NFIL3: variants seen among roughly 807,000 people sequenced by gnomAD.
The protein encoded by NFIL3 is nuclear factor, interleukin 3 regulated, also known as nuclear factor interleukin-3-regulated protein.
NFIL3 carries 5 observed loss-of-function variants against 10.0 expected under a neutral mutation model. The observed-to-expected ratio is 0.50, with a 90% CI of 0.26 to 1.06. The LOEUF (loss-of-function observed/expected upper bound fraction) is 1.06, where lower values mean the gene tolerates loss of function less well. Among genes scored for constraint, NFIL3 ranks in the 50% least tolerant of loss-of-function variants. NFIL3 has a pLI of 0.13. For synonymous variants in NFIL3, 202 were observed against 206.5 expected, an observed-to-expected ratio of 0.98 and a Z score of 0.19; for missense variants, 436 against 547.6, an observed-to-expected ratio of 0.80 and a Z score of 2.03.
At chr9:91,437,460 A>C in the NFIL3 span, among the ~76,000 whole-genome samples, 1 of 152,250 alleles carries the variant, frequency 6.6e-6, no homozygotes, top group South Asian at 2.1e-4. Flanking sequence ...ATAAAGAAGC[A>C]GATTAACATA....
chr9:91,450,420 G>C, the NFIL3 span, among the ~76,000 whole-genome samples: 1 of 152,074 alleles, frequency 6.6e-6, no homozygotes, highest in Admixed American at 6.5e-5. Flanking sequence ...ATTTTCATTA[G>C]TCTCCAATCA....
chr9:91,483,139 A>G, the NFIL3 span, among the ~76,000 whole-genome samples: 3 of 152,030 alleles, frequency 2.0e-5, no homozygotes, highest in Admixed American at 6.5e-5. Flanking sequence ...AAGGCCATAT[A>G]AGTCACCTTC....
chr9:91,436,616 CAACAAA>C, the NFIL3 span, among the ~76,000 whole-genome samples: 960 of 143,186 alleles, frequency 6.7e-3, 8 homozygotes, highest in African/African-American at 0.023. Context: ...ACAACAACAA[CAACAAA>C]GAGTTGAAGG....
chr9:91,479,435 G>A, the NFIL3 span, among the ~76,000 whole-genome samples: 1 of 152,218 alleles, frequency 6.6e-6, no homozygotes, highest in Non-Finnish European at 1.5e-5. Context: ...TGGTGACTTT[G>A]TTTACACTGT....
At chr9:91,443,233 T>C in the NFIL3 span, among the ~76,000 whole-genome samples, 3 of 152,180 alleles carry the variant, frequency 2.0e-5, no homozygotes, top group African/African-American at 2.4e-5. Flanking sequence ...GACTGGTCCA[T>C]GGGCAGCCAC....
chr9:91,477,752 T>G, the NFIL3 span, among the ~76,000 whole-genome samples: 1 of 152,180 alleles, frequency 6.6e-6, no homozygotes, highest in Non-Finnish European at 1.5e-5. Flanking sequence ...TGCTTATGAA[T>G]GAACACAACA....
At position 91,410,294 on chromosome 9, in the gene NFIL3, C is replaced by T. The variant is rs746683588; in HGVS notation, c.441G>A (p.Val147=). Residue 147 remains valine (V), a synonymous_variant, in exon 2 of 2, where the codon GTG becomes GTA. Transcript: ENST00000297689. This position sits in a 1 kb window ranked among gnomAD's most constrained non-coding sequence, Gnocchi z 5.7. The part of the protein sequence containing the change: ...EIQKLSNSTA[V]YFQDYQTSKS... ...TGGAAGTCTGGTAATCTTGAAAGTA[C>T]ACAGCTGTAGAATTACTGAGTTTCT... 1.2e-6 allele frequency: 2 copies of T among 1,614,202 alleles called. No homozygotes were observed. Among genetic ancestry groups the T allele is most frequent in the Admixed American group, 3.3e-5 (2 of 60,026 alleles).
At chr9:91,420,445 CAACT>C (rs893417094) in intron 1 of NFIL3, among the ~76,000 whole-genome samples, 1 of 151,546 alleles carries the variant, frequency 6.6e-6, no homozygotes, top group Non-Finnish European at 1.5e-5. Context: ...TCCTCACAAC[CAACT>C]AAGTCAACAG....
At chr9:91,427,561 C>G (rs1237946239), upstream of NFIL3, among the ~76,000 whole-genome samples, 3 of 152,136 alleles carry the variant, frequency 2.0e-5, no homozygotes, top group African/African-American at 7.2e-5. Flanking sequence ...CACCTTGTGT[C>G]TTTTTATTAA....
chr9:91,441,382 C>A, the NFIL3 span, among the ~76,000 whole-genome samples: 1 of 152,144 alleles, frequency 6.6e-6, no homozygotes, highest in Non-Finnish European at 1.5e-5. Flanking sequence ...CTCTTACTTT[C>A]AGTCTATGTT....
At chr9:91,464,582 T>C in the NFIL3 span, among the ~76,000 whole-genome samples, 16 of 152,116 alleles carry the variant, frequency 1.1e-4, no homozygotes, top group African/African-American at 3.9e-4. Flanking sequence ...ATGTTTTATT[T>C]TGCCTTCATT....
chr9:91,445,941 T>G, the NFIL3 span, among the ~76,000 whole-genome samples: 1 of 152,076 alleles, frequency 6.6e-6, no homozygotes, highest in East Asian at 1.9e-4. Context: ...GACTCAGGGA[T>G]GGAGAGGTGC....
At chr9:91,416,093 CTAATTA>C (rs1483573612) in intron 1 of NFIL3, among the ~76,000 whole-genome samples, 1 of 151,312 alleles carries the variant, frequency 6.6e-6, no homozygotes, top group Non-Finnish European at 1.5e-5. Flanking sequence ...CCTGGCTATT[CTAATTA>C]TGTTAAATAG....
the NFIL3 span, among the ~76,000 whole-genome samples, chr9:91,465,924 G>A: frequency 8.5e-4 from 129 of 152,048 alleles, no homozygotes; most frequent in Middle Eastern, 3.4e-3. Context: ...TCTTTTAGCT[G>A]GAACCCACTG....
chr9:91,475,226 T>G, the NFIL3 span, among the ~76,000 whole-genome samples: 14 of 152,342 alleles, frequency 9.2e-5, no homozygotes, highest in Admixed American at 6.5e-4. Flanking sequence ...ATCCATAGAT[T>G]GATCACAAAA....
At chr9:91,430,313 C>T in the NFIL3 span, among the ~76,000 whole-genome samples, 3 of 152,146 alleles carry the variant, frequency 2.0e-5, no homozygotes, top group Non-Finnish European at 4.4e-5. Flanking sequence ...TATGGAGCAC[C>T]TGCTGGGTGC....
At chr9:91,459,980 G>A in the NFIL3 span, among the ~76,000 whole-genome samples, 1 of 152,110 alleles carries the variant, frequency 6.6e-6, no homozygotes, top group Non-Finnish European at 1.5e-5. Context: ...AGATATTGAT[G>A]AGGATGGTGG....
the NFIL3 span, among the ~76,000 whole-genome samples, chr9:91,473,581 G>A: frequency 3.3e-5 from 5 of 152,206 alleles, no homozygotes; most frequent in South Asian, 6.2e-4. Context: ...CTATTAGGGC[G>A]GGAGTGTCCC....
chr9:91,430,707 A>G, the NFIL3 span, among the ~76,000 whole-genome samples: 2 of 152,118 alleles, frequency 1.3e-5, no homozygotes, highest in African/African-American at 2.4e-5. Flanking sequence ...GTGCAGTGGC[A>G]TGATCATAGC....
Sources: gnomAD v4.1 joint callset for allele counts (sites outside exome capture counted in the v4.1 genomes callset) on GRCh38, gnomAD v4.1.1 for gene constraint, Gnocchi (gnomAD v3.1) non-coding constraint, MANE v1.5 for transcripts, NCBI Gene and HGNC (gene_info 2026-07-23, HGNC 2026-07-21) for gene names.